The following SLC25A48 variants were observed in gnomAD, a reference collection of about 807,000 sequenced individuals.
SLC25A48 encodes CTC-321K16.1.
A neutral mutation model predicts 32.2 loss-of-function variants in SLC25A48; 29 were observed. That is an observed-to-expected ratio of 0.90 (90% CI 0.67 to 1.23). The LOEUF is 1.23. Ranked by LOEUF, SLC25A48 falls within the 50% of genes most tolerant of loss-of-function variation. The probability of loss-of-function intolerance (pLI) is 0.00; values close to 1 mark genes in which losing one functional copy is unlikely to be tolerated. For synonymous variants in SLC25A48, 164 were observed against 172.3 expected, an observed-to-expected ratio of 0.95 and a Z score of 0.38; for missense variants, 399 against 422.7, an observed-to-expected ratio of 0.94 and a Z score of 0.49.
chr5:135,829,039 A>G (rs1420482166), intron 4 of SLC25A48, among the ~76,000 whole-genome samples: 4 of 151,954 alleles, frequency 2.6e-5, no homozygotes, highest in Non-Finnish European at 5.9e-5. Context: ...CCTGGCCTCT[A>G]TTTGAGGTCA....
intron 3 of SLC25A48, among the ~76,000 whole-genome samples, chr5:135,793,478 A>G (rs1245249208): frequency 2.6e-5 from 4 of 151,896 alleles, no homozygotes; most frequent in African/African-American, 9.7e-5. Context: ...GAGAGATATT[A>G]CTGTCCTAAT....
intron 3 of SLC25A48, among the ~76,000 whole-genome samples, chr5:135,647,258 G>A (rs6876208): frequency 0.44 from 67,204 of 151,928 alleles, 15,350 homozygotes; most frequent in Middle Eastern, 0.51. Flanking sequence ...ATTTTATTTG[G>A]ATTTTACTAG....
At chr5:135,716,216 C>T (rs139170359) in intron 3 of SLC25A48, among the ~76,000 whole-genome samples, 26 of 152,278 alleles carry the variant, frequency 1.7e-4, no homozygotes, top group African/African-American at 6.3e-4. Context: ...CTTACCTGGT[C>T]TGGGACAGCC....
At chr5:135,714,290 G>C (rs774233401) in intron 3 of SLC25A48, among the ~76,000 whole-genome samples, 3 of 152,174 alleles carry the variant, frequency 2.0e-5, no homozygotes, top group Non-Finnish European at 4.4e-5. Context: ...GCCTCCCTGG[G>C]GACCAGACAG....
intron 1 of SLC25A48, among the ~76,000 whole-genome samples, chr5:135,839,994 G>T (rs1274218431): frequency 6.6e-6 from 1 of 152,168 alleles, no homozygotes; most frequent in African/African-American, 2.4e-5. Flanking sequence ...AAATTACCCA[G>T]GCTTGGGCAT....
intron 1 of SLC25A48, among the ~76,000 whole-genome samples, chr5:135,626,929 C>A (rs113730028): frequency 1.3e-5 from 2 of 152,192 alleles, no homozygotes; most frequent in South Asian, 2.1e-4. Context: ...AGCCAGCCAC[C>A]CACCTTGGCC....
In SLC25A48 at chr5:135,757,612, AT is replaced by A. The variant is rs150207191; in HGVS notation, c.-520-54910del. Among the ~76,000 whole-genome samples, 1,070 of 149,694 alleles carry A rather than the reference AT, an allele frequency of 7.1e-3. 12 individuals are homozygous for A. Among genetic ancestry groups the A allele is most frequent in the African/African-American group, 0.024 (1,002 of 41,340 alleles). ...ATATTAATAAAATATCTTCTAGATG[AT>A]ATTAATAAAATATCTAGATATTAAT... is the stretch of plus-strand genomic sequence containing the variant. On this transcript the variant is annotated intron_variant, in intron 3 of 10. Transcript: ENST00000646290.
chr5:135,811,822 C>T (rs534701614), intron 3 of SLC25A48, among the ~76,000 whole-genome samples: 16 of 152,306 alleles, frequency 1.1e-4, no homozygotes, highest in Non-Finnish European at 2.2e-4. Flanking sequence ...TGGCTCATGC[C>T]TATAAGCTCA....
At chr5:135,887,945 A>C in intron 7 of SLC25A48, 87 bp from the exon 8 acceptor site, 1 of 1,237,624 alleles carries the variant, frequency 8.1e-7, no homozygotes, top group Non-Finnish European at 1.2e-6. Context: ...CATAGGGGTT[A>C]GAGGAAGGGG....
At chr5:135,718,003 A>C (rs892354139) in intron 3 of SLC25A48, among the ~76,000 whole-genome samples, 1 of 144,160 alleles carries the variant, frequency 6.9e-6, no homozygotes, top group Non-Finnish European at 1.5e-5. Flanking sequence ...TGGGCTTGAG[A>C]CTCCTTTTTT....
chr5:135,616,202 C>G (rs1752188138), intron 1 of SLC25A48, among the ~76,000 whole-genome samples: 1 of 152,182 alleles, frequency 6.6e-6, no homozygotes, highest in Non-Finnish European at 1.5e-5. Flanking sequence ...CATGGAGTTT[C>G]CATTGGGGGA....
At chr5:135,799,655 G>C (rs1757273400) in intron 3 of SLC25A48, among the ~76,000 whole-genome samples, 2 of 151,846 alleles carry the variant, frequency 1.3e-5, no homozygotes, top group South Asian at 4.2e-4. Flanking sequence ...TACCTAAGGG[G>C]AAAATAATAT....
At chr5:135,581,449 AT>A (rs1249359188) in intron 1 of SLC25A48, among the ~76,000 whole-genome samples, 2 of 152,268 alleles carry the variant, frequency 1.3e-5, no homozygotes, top group Non-Finnish European at 2.9e-5. Flanking sequence ...TTCCAAAAAA[AT>A]ATATTTTATG....
At chr5:135,765,730 G>T (rs540612875) in intron 3 of SLC25A48, among the ~76,000 whole-genome samples, 26 of 151,124 alleles carry the variant, frequency 1.7e-4, no homozygotes, top group African/African-American at 6.1e-4. Flanking sequence ...ATATCACAGA[G>T]GGTGTACACC....
intron 3 of SLC25A48, among the ~76,000 whole-genome samples, chr5:135,696,989 T>C (rs1241458489): frequency 6.6e-6 from 1 of 152,214 alleles, no homozygotes; most frequent in Non-Finnish European, 1.5e-5. Context: ...TAATTGAATT[T>C]TTTAAGAAGA....
At chr5:135,677,618 G>A (rs1753802655) in intron 3 of SLC25A48, among the ~76,000 whole-genome samples, 1 of 152,044 alleles carries the variant, frequency 6.6e-6, no homozygotes, top group African/African-American at 2.4e-5. Flanking sequence ...ACCAGTGAAT[G>A]TTATATTTTT....
At chr5:135,669,862 A>G (rs1405062101) in intron 3 of SLC25A48, among the ~76,000 whole-genome samples, 2 of 152,156 alleles carry the variant, frequency 1.3e-5, no homozygotes, top group Non-Finnish European at 2.9e-5. Context: ...CTCCCCTCCT[A>G]TGCTGAGGAG....
chr5:135,701,665 A>G (rs1012258097), intron 3 of SLC25A48, among the ~76,000 whole-genome samples: 15 of 152,202 alleles, frequency 9.9e-5, no homozygotes, highest in African/African-American at 3.6e-4. Context: ...ATAGTGTCTG[A>G]GCCAGCAGAC....
At chr5:135,777,363 C>T (rs1433965854) in intron 3 of SLC25A48, among the ~76,000 whole-genome samples, 7 of 151,616 alleles carry the variant, frequency 4.6e-5, no homozygotes, top group Non-Finnish European at 1.0e-4. Flanking sequence ...ATATTACTCC[C>T]AATATTGTAG....
Sources: allele counts gnomAD v4.1 joint callset (sites outside exome capture counted in the v4.1 genomes callset), GRCh38; gene constraint gnomAD v4.1.1; transcripts MANE v1.5; gene names NCBI Gene and HGNC (gene_info 2026-07-23, HGNC 2026-07-21).